Variants in MATN3 observed in about 807,000 individuals in gnomAD.
MATN3 encodes matrilin 3, also known as matrilin-3.
Under a neutral mutation model 45.3 loss-of-function variants are expected in MATN3, and 48 were observed. The observed-to-expected ratio is 1.06, with a 90% CI of 0.84 to 1.35. The LOEUF (loss-of-function observed/expected upper bound fraction) is 1.35. MATN3 is among the 40% of genes most tolerant of loss of function. The probability of loss-of-function intolerance (pLI) is 0.00; values close to 1 mark genes in which losing one functional copy is unlikely to be tolerated. For synonymous variants in MATN3, 217 were observed against 245.9 expected (o/e 0.88, Z 1.10); for missense variants, 599 against 628.0 (o/e 0.95, Z 0.49).
chr2:20,011,905 C>T (rs1322632012), intron 1 of MATN3, among the ~76,000 whole-genome samples: 1 of 152,194 alleles, frequency 6.6e-6, no homozygotes, highest in Non-Finnish European at 1.5e-5. Context: ...TGTCTTGATC[C>T]TGGGGTATCC....
In MATN3 at chr2:19,997,376, C is replaced by T. The variant is rs967428134; in HGVS notation, c.1169-117G>A. The T allele has an allele frequency of 4.7e-6, 5 of 1,057,950 alleles. No individual in the cohort carries two copies. The East Asian group carries it at 1.4e-4, about 29-fold the overall frequency. The allele number at this position is 1,057,950 out of a possible 1,614,324, so 65.5% of individuals were successfully genotyped here. On this transcript the variant is annotated intron_variant, in intron 5 of 7. Transcript: ENST00000407540. The stretch of plus-strand genomic sequence containing the variant: ...CCACAAGTGCTGAGAATGTAGTAGT[C>T]AGTAGTCAGCAACAGGCCCCATGCT...
chr2:19,993,713 C>T (rs1247519357), intron 7 of MATN3, among the ~76,000 whole-genome samples: 2 of 152,168 alleles, frequency 1.3e-5, no homozygotes, highest in South Asian at 2.1e-4. Context: ...TCTCTACATA[C>T]GCCTAGATTG....
intron 4 of MATN3, among the ~76,000 whole-genome samples, chr2:20,001,013 C>A (rs1207759855): frequency 6.6e-6 from 1 of 152,164 alleles, no homozygotes; most frequent in Non-Finnish European, 1.5e-5. Flanking sequence ...TGATTCAGAG[C>A]AGCATAAAAA....
At position 20,006,112 on chromosome 2, in the gene MATN3, G is replaced by C. The variant is rs1288601103; in HGVS notation, c.422C>G (p.Thr141Arg). 2 of 1,613,836 alleles carry C rather than the reference G, an allele frequency of 1.2e-6. No homozygotes were observed. The highest frequency in any genetic ancestry group is 1.7e-6 in the Non-Finnish European group (2 of 1,179,846). ...VKIEFQLQAY[T>R]DKQSLKQAVG... ...GGCCTGCTTCAGGGACTGCTTATCT[G>C]TGTAGGCCTGGAGTTGGAACTCGAT... Residue 141 changes from threonine to arginine, a missense_variant, in exon 2 of 8, where the codon ACA (threonine) becomes AGA (arginine). Transcript: ENST00000407540.
rs1307443597 is a variant in MATN3, at chr2:20,005,905, G to A, written c.629C>T (p.Ala210Val). Residue 210 changes from alanine (A) to valine (V), a missense_variant, in exon 2 of 8, where the codon GCC (alanine) becomes GTC (valine). By Grantham distance (64) the Ala-to-Val change is moderately conservative. Coordinates refer to ENST00000407540, the MANE Select transcript of MATN3 (RefSeq NM_002381.5). ...QDQVNEVAARAQASGIELYAV... is the reference protein window; with the variant it reads ...QDQVNEVAARVQASGIELYAV... ...ATAGAGCTCAATACCAGATGCTTGGGCCCGAGCCGCCACCTCATTCACCTG... is the reference window on the plus strand; with the variant it reads ...ATAGAGCTCAATACCAGATGCTTGGACCCGAGCCGCCACCTCATTCACCTG... 1 of 1,610,576 alleles carries A rather than the reference G, an allele frequency of 6.2e-7. No homozygotes were observed. Among genetic ancestry groups the A allele is most frequent in the Admixed American group, 1.7e-5 (1 of 59,362 alleles).
chr2:20,010,793 G>A (rs1324863887), intron 1 of MATN3, among the ~76,000 whole-genome samples: 1 of 152,242 alleles, frequency 6.6e-6, no homozygotes, highest in African/African-American at 2.4e-5. Flanking sequence ...GGTAATAAAT[G>A]TGTGTTGTCT....
At chr2:20,003,109 G>T in intron 3 of MATN3, 52 bp downstream of exon 3, 1 of 1,603,880 alleles carries the variant, frequency 6.2e-7, no homozygotes, top group Non-Finnish European at 8.5e-7. Flanking sequence ...AAAACCTGGA[G>T]CATAGGTTCC....
At chr2:20,007,871 TC>T (rs969011104) in intron 1 of MATN3, among the ~76,000 whole-genome samples, 5 of 152,084 alleles carry the variant, frequency 3.3e-5, no homozygotes, top group Non-Finnish European at 7.4e-5. Context: ...CTTTCCTGTT[TC>T]CCCCAACCCC....
In MATN3 at chr2:20,012,558, G is replaced by T. The variant is rs1227212048; in HGVS notation, c.74C>A (p.Ser25Tyr). 4.1e-6 allele frequency: 5 copies of T among 1,226,922 alleles called. No individual in the cohort carries two copies. In the East Asian group the frequency reaches 1.6e-4, roughly 39 times the overall value. The allele number at this position is 1,226,922 out of a possible 1,614,324, so 76.0% of individuals were successfully genotyped here. Residue 25 changes from serine to tyrosine, a missense_variant, in exon 1 of 8, where the codon TCC (serine) becomes TAC (tyrosine). Ser to Tyr is a moderately radical substitution (Grantham distance 144). Transcript: ENST00000407540. This position sits in a 1 kb window ranked among gnomAD's most constrained non-coding sequence, Gnocchi z 4.3. ...GCGGGCCACGGGGTCGGGGGCGGCG[G>T]AGGGCAGCAGCAGCAGCGGCCAGAG... ...LLLWPLLLLP[S>Y]AAPDPVARPG...
At chr2:20,011,628 A>G (rs1299973133) in intron 1 of MATN3, among the ~76,000 whole-genome samples, 2 of 152,310 alleles carry the variant, frequency 1.3e-5, no homozygotes, top group African/African-American at 2.4e-5. Context: ...TGAAGATACA[A>G]TCTTATGTAA....
chr2:19,994,752 G>A (rs1486124927), intron 6 of MATN3, among the ~76,000 whole-genome samples: 1 of 152,138 alleles, frequency 6.6e-6, no homozygotes, highest in Non-Finnish European at 1.5e-5. Context: ...GGAGGCCAGG[G>A]ATATAGAAAT....
chr2:20,006,942 G>T (rs1250279867), intron 1 of MATN3, among the ~76,000 whole-genome samples: 2 of 152,240 alleles, frequency 1.3e-5, no homozygotes, highest in Non-Finnish European at 2.9e-5. Context: ...GTAGAGCCAG[G>T]CGTGGTGGCT....
At chr2:20,007,429 T>C (rs1382832602) in intron 1 of MATN3, among the ~76,000 whole-genome samples, 1 of 151,866 alleles carries the variant, frequency 6.6e-6, no homozygotes, top group East Asian at 1.9e-4. Context: ...CTCGGGAGGC[T>C]GAGGCAGGAG....
chr2:20,005,946 A>G lies in MATN3; in HGVS notation c.588T>C (p.Asp196=). 1.2e-6 allele frequency: 2 copies of G among 1,613,884 alleles called. No individual in the cohort carries two copies. Among genetic ancestry groups the G allele is most frequent in the Non-Finnish European group, 1.7e-6 (2 of 1,179,822 alleles). ...CATTCACCTGGTCCTGGGGCCTCCC[A>G]TCTGTAACAATGATGGCCACCTTAG... The part of the protein sequence containing the change: ...NIPKVAIIVT[D]GRPQDQVNEV... Residue 196 remains aspartate (D), a synonymous_variant, in exon 2 of 8, where the codon GAT becomes GAC. Coordinates refer to ENST00000407540, the MANE Select transcript of MATN3 (RefSeq NM_002381.5).
Position 20,012,030 on chromosome 2 carries a change from A to G in MATN3, c.223+379T>C, listed in dbSNP as rs942192914. Among the ~76,000 whole-genome samples the G allele has an allele frequency of 6.6e-6, 1 of 152,082 alleles. No individual in the cohort carries two copies. The highest frequency in any genetic ancestry group is 1.5e-5 in the Non-Finnish European group (1 of 68,014). On this transcript the variant is annotated intron_variant, in intron 1 of 7. Transcript: ENST00000407540. The surrounding 1 kb of genome is among the most constrained non-coding windows in gnomAD (Gnocchi z 4.3). ...GATCACGCCCTGATATTGGATGGAG[A>G]TGGAGAGATTCCAAGAGAACTAACA...
intron 5 of MATN3, 123 bp downstream of exon 5, chr2:20,000,318 A>T: frequency 1.2e-6 from 1 of 820,776 alleles, no homozygotes; most frequent in Non-Finnish European, 1.9e-6. Flanking sequence ...CTTCATCTAA[A>T]AGTGTGATAG....
chr2:20,010,067 T>TAAAAA (rs57140153), intron 1 of MATN3, among the ~76,000 whole-genome samples: 9,916 of 68,036 alleles, frequency 0.15, 1,354 homozygotes, highest in East Asian at 0.31. Context: ...CTTCAAATAC[T>TAAAAA]AAAAAAAAAA....
chr2:20,005,557 C>A (rs559622622), intron 2 of MATN3, among the ~76,000 whole-genome samples, 187 bp downstream of exon 2: 49 of 152,262 alleles, frequency 3.2e-4, no homozygotes, highest in African/African-American at 1.2e-3. Flanking sequence ...TATTCCTAAA[C>A]CAATAGAGTG....
intron 1 of MATN3, among the ~76,000 whole-genome samples, chr2:20,007,606 C>T (rs1673133735): frequency 6.6e-6 from 1 of 152,214 alleles, no homozygotes; most frequent in African/African-American, 2.4e-5. Flanking sequence ...GAGCATGTCT[C>T]GTAAGAAGCA....
Sources: allele counts gnomAD v4.1 joint callset (sites outside exome capture counted in the v4.1 genomes callset), GRCh38; gene constraint gnomAD v4.1.1; non-coding constraint Gnocchi (gnomAD v3.1); transcripts MANE v1.5; gene names NCBI Gene and HGNC (gene_info 2026-07-23, HGNC 2026-07-21).